Variants in C1QTNF3 observed in about 807,000 individuals in gnomAD.
C1QTNF3 encodes C1q and TNF related 3.
Under a neutral mutation model 32.6 loss-of-function variants are expected in C1QTNF3, and 26 were observed. The ratio of observed to expected loss-of-function variants is 0.80; its 90% confidence interval spans 0.58 to 1.11. The LOEUF is 1.11. Among genes scored for constraint, C1QTNF3 ranks in the 50% least tolerant of loss-of-function variants. The pLI, the probability that C1QTNF3 is intolerant of heterozygous loss-of-function variation, is 0.00. For missense variants in C1QTNF3, 362 were observed against 398.2 expected (o/e 0.91, Z 0.77); for synonymous variants, 155 against 146.0 (o/e 1.06, Z -0.44).
At chr5:34,042,254 T>C (rs1329066581) in intron 1 of C1QTNF3, among the ~76,000 whole-genome samples, 2 of 152,020 alleles carry the variant, frequency 1.3e-5, no homozygotes, top group Non-Finnish European at 2.9e-5. Context: ...TTTATTTAAC[T>C]CTTTAATTCT....
chr5:34,128,670 T>A, the C1QTNF3 span, among the ~76,000 whole-genome samples: 10 of 152,108 alleles, frequency 6.6e-5, no homozygotes, highest in African/African-American at 2.4e-4. Flanking sequence ...TCCTGCTGGG[T>A]TTTGGATTTG....
At chr5:34,075,748 A>T in the C1QTNF3 span, among the ~76,000 whole-genome samples, 77,797 of 151,152 alleles carry the variant, frequency 0.51, 21,599 homozygotes, top group Non-Finnish European at 0.6. Flanking sequence ...GATATATTTT[A>T]AAAAAATGAA....
At chr5:34,244,419 T>C in the C1QTNF3 span, among the ~76,000 whole-genome samples, 3 of 152,358 alleles carry the variant, frequency 2.0e-5, no homozygotes, top group African/African-American at 7.2e-5. Context: ...TTGCTGTTGC[T>C]GGCTCTGGCA....
chr5:34,119,077 CTAT>C, the C1QTNF3 span, among the ~76,000 whole-genome samples: 22 of 152,252 alleles, frequency 1.4e-4, no homozygotes, highest in South Asian at 3.9e-3. Flanking sequence ...GTTTTTATTG[CTAT>C]TATTGTCTCT....
At chr5:34,118,049 AT>A in the C1QTNF3 span, among the ~76,000 whole-genome samples, 1 of 152,028 alleles carries the variant, frequency 6.6e-6, no homozygotes, top group South Asian at 2.1e-4. Context: ...GATCTGCATA[AT>A]TATCTTTACC....
the C1QTNF3 span, among the ~76,000 whole-genome samples, chr5:34,116,515 T>TTAGG: frequency 9.9e-6 from 1 of 100,936 alleles, no homozygotes; most frequent in African/African-American, 4.2e-5. Flanking sequence ...TGTTAAATGC[T>TTAGG]TAAATTTTAT....
chr5:34,222,147 T>G, the C1QTNF3 span, among the ~76,000 whole-genome samples: 19 of 151,998 alleles, frequency 1.3e-4, no homozygotes, highest in African/African-American at 4.1e-4. Context: ...ATGGAAAAAA[T>G]CAGATATTAG....
At chr5:34,029,296 T>C (rs1169583256) in intron 3 of C1QTNF3, among the ~76,000 whole-genome samples, 1 of 152,048 alleles carries the variant, frequency 6.6e-6, no homozygotes, top group Non-Finnish European at 1.5e-5. Context: ...AAGATACCTA[T>C]TAATTTCTTT....
chr5:34,026,605 C>T (rs536141219), intron 4 of C1QTNF3, among the ~76,000 whole-genome samples: 47 of 152,054 alleles, frequency 3.1e-4, no homozygotes, highest in Non-Finnish European at 6.0e-4. Context: ...CCAAGAAAAA[C>T]GCACATTAGG....
At chr5:34,203,367 T>C in the C1QTNF3 span, among the ~76,000 whole-genome samples, 1 of 152,158 alleles carries the variant, frequency 6.6e-6, no homozygotes, top group African/African-American at 2.4e-5. Flanking sequence ...GTAAATGAAT[T>C]AAACATTCCA....
the C1QTNF3 span, among the ~76,000 whole-genome samples, chr5:34,120,857 T>C: frequency 6.6e-6 from 1 of 152,210 alleles, no homozygotes; most frequent in African/African-American, 2.4e-5. Context: ...AACAGACTAA[T>C]ACAATACCCG....
At chr5:34,159,189 CTG>C in the C1QTNF3 span, among the ~76,000 whole-genome samples, 2 of 43,992 alleles carry the variant, frequency 4.5e-5, no homozygotes, top group African/African-American at 8.0e-5. Flanking sequence ...GAAAAAAACT[CTG>C]TGTATTTGAA....
chr5:34,107,683 A>C, the C1QTNF3 span, among the ~76,000 whole-genome samples: 2 of 152,022 alleles, frequency 1.3e-5, no homozygotes, highest in Admixed American at 6.6e-5. Flanking sequence ...AGAATGAGGA[A>C]AGGACCTGTA....
chr5:34,228,796 T>G, the C1QTNF3 span, among the ~76,000 whole-genome samples: 1 of 151,926 alleles, frequency 6.6e-6, no homozygotes, highest in Admixed American at 6.6e-5. Flanking sequence ...AGGTTACATT[T>G]AATTACTTTA....
chr5:34,189,070 A>G, the C1QTNF3 span, among the ~76,000 whole-genome samples: 1 of 149,646 alleles, frequency 6.7e-6, no homozygotes, highest in East Asian at 1.9e-4. Flanking sequence ...ATGTCTGACT[A>G]AATTTTGTAT....
At chr5:34,232,548 CAGTG>C in the C1QTNF3 span, among the ~76,000 whole-genome samples, 1 of 152,104 alleles carries the variant, frequency 6.6e-6, no homozygotes, top group Non-Finnish European at 1.5e-5. Context: ...ATTCTCATGA[CAGTG>C]AGTGAGTTCC....
the C1QTNF3 span, among the ~76,000 whole-genome samples, chr5:34,060,582 G>A: frequency 1.3e-5 from 2 of 152,216 alleles, no homozygotes; most frequent in African/African-American, 4.8e-5. Flanking sequence ...TGGACACACA[G>A]TTCCACCTGG....
At chr5:34,068,732 T>G in the C1QTNF3 span, among the ~76,000 whole-genome samples, 1 of 152,146 alleles carries the variant, frequency 6.6e-6, no homozygotes, top group Admixed American at 6.6e-5. Flanking sequence ...CTGTATAATG[T>G]AAGAAATGAG....
the C1QTNF3 span, among the ~76,000 whole-genome samples, chr5:34,208,955 C>T: frequency 1.1e-3 from 167 of 152,254 alleles, 1 homozygote; most frequent in Non-Finnish European, 4.9e-4. Context: ...GACCATTTGT[C>T]AATGTTTAGA....
Sources: allele counts gnomAD v4.1 joint callset (sites outside exome capture counted in the v4.1 genomes callset), GRCh38; gene constraint gnomAD v4.1.1; transcripts MANE v1.5; gene names NCBI Gene and HGNC (gene_info 2026-07-23, HGNC 2026-07-21).